The following TNIK variants were observed in gnomAD, a reference collection of about 807,000 sequenced individuals.
TNIK encodes the protein TRAF2 and NCK-interacting protein kinase.
A neutral mutation model predicts 191.3 loss-of-function variants in TNIK; 49 were observed. That is an observed-to-expected ratio of 0.26 (90% CI 0.20 to 0.32). The LOEUF (loss-of-function observed/expected upper bound fraction) is 0.32, where lower values mean the gene tolerates loss of function less well. TNIK is among the 10% of genes least tolerant of loss of function. The pLI is 1.00. For missense variants in TNIK, 1,155 were observed against 1,702.3 expected (o/e 0.68, Z 5.66); for synonymous variants, 594 against 600.9 (o/e 0.99, Z 0.17).
chr3:171,439,334 ACT>A (rs1427925309), intron 1 of TNIK, among the ~76,000 whole-genome samples: 5 of 148,468 alleles, frequency 3.4e-5, no homozygotes, highest in Non-Finnish European at 5.9e-5. Context: ...ACAGAGCAAG[ACT>A]CTGTCTCAAA....
At chr3:171,411,895 G>A (rs944934165) in intron 1 of TNIK, among the ~76,000 whole-genome samples, 2 of 152,172 alleles carry the variant, frequency 1.3e-5, no homozygotes, top group Non-Finnish European at 2.9e-5. Context: ...AGGATGGGGC[G>A]AGAAGTTTTC....
chr3:171,078,312 G>A (rs1720246661), intron 28 of TNIK, among the ~76,000 whole-genome samples: 1 of 151,728 alleles, frequency 6.6e-6, no homozygotes, highest in Non-Finnish European at 1.5e-5. Flanking sequence ...TGAACCACTT[G>A]GACTGATCTT....
intron 2 of TNIK, among the ~76,000 whole-genome samples, chr3:171,290,981 A>C (rs1437810343): frequency 1.3e-5 from 2 of 152,064 alleles, no homozygotes; most frequent in Admixed American, 1.3e-4. Flanking sequence ...ATTTTTTTTT[A>C]GAATTCCATT....
At chr3:171,400,284 G>A (rs1488053558) in intron 1 of TNIK, among the ~76,000 whole-genome samples, 1 of 152,060 alleles carries the variant, frequency 6.6e-6, no homozygotes, top group South Asian at 2.1e-4. Flanking sequence ...CTAGATTCAG[G>A]CCAGGCACGG....
At chr3:171,176,953 T>C (rs1577045085) in intron 8 of TNIK, among the ~76,000 whole-genome samples, 1 of 152,258 alleles carries the variant, frequency 6.6e-6, no homozygotes, top group East Asian at 1.9e-4. Context: ...GTATAACCTG[T>C]GCACTGAAAA....
rs1251207894 is a variant in TNIK, at chr3:171,103,968, TTAAAGTTC to T, written c.2407-2343_2407-2336del. On this transcript the variant is annotated intron_variant, in intron 21 of 32. Transcript: ENST00000436636. ...TCTAAACATTGTATTTAGAAACACT[TTAAAGTTC>T]TGAACTGCTTAATAATTTTGCTTTT... Among the ~76,000 whole-genome samples, 6 of 152,122 alleles carry T rather than the reference TTAAAGTTC, an allele frequency of 3.9e-5. No individual in the cohort carries two copies. In the East Asian group the frequency reaches 9.6e-4, roughly 24 times the overall value.
chr3:171,365,569 T>C (rs1422435815), intron 2 of TNIK, among the ~76,000 whole-genome samples: 1 of 152,152 alleles, frequency 6.6e-6, no homozygotes, highest in Non-Finnish European at 1.5e-5. Context: ...ATGGTAAACA[T>C]TTTAAGAAGG....
At chr3:171,281,456 G>A (rs1195832793) in intron 2 of TNIK, among the ~76,000 whole-genome samples, 3 of 152,160 alleles carry the variant, frequency 2.0e-5, no homozygotes, top group African/African-American at 7.2e-5. Flanking sequence ...GAAATCATGA[G>A]CAAGCTATTT....
At chr3:171,400,893 A>G (rs1212269916) in intron 1 of TNIK, among the ~76,000 whole-genome samples, 1 of 152,220 alleles carries the variant, frequency 6.6e-6, no homozygotes, top group Non-Finnish European at 1.5e-5. Flanking sequence ...TACCAGATTC[A>G]GGGAGGACTG....
chr3:171,323,856 T>C (rs1755449683), intron 2 of TNIK, among the ~76,000 whole-genome samples: 1 of 152,162 alleles, frequency 6.6e-6, no homozygotes, highest in African/African-American at 2.4e-5. Context: ...CTGATTAAGA[T>C]GGTATCTCCT....
chr3:171,365,858 A>C (rs768866994), intron 2 of TNIK, among the ~76,000 whole-genome samples: 2 of 152,238 alleles, frequency 1.3e-5, no homozygotes, highest in Admixed American at 6.5e-5. Flanking sequence ...AGAAATACTG[A>C]GGAATCCTTC....
chr3:171,285,112 G>C (rs1750872059), intron 2 of TNIK, among the ~76,000 whole-genome samples: 1 of 152,182 alleles, frequency 6.6e-6, no homozygotes, highest in Non-Finnish European at 1.5e-5. Flanking sequence ...ATATTAGCAA[G>C]AAATGTGCCT....
chr3:171,412,860 A>G (rs1722580707), intron 1 of TNIK, among the ~76,000 whole-genome samples: 1 of 152,218 alleles, frequency 6.6e-6, no homozygotes, highest in African/African-American at 2.4e-5. Flanking sequence ...GTTTTCAATC[A>G]ATGGTAACTA....
intron 2 of TNIK, among the ~76,000 whole-genome samples, chr3:171,354,751 T>C (rs1032984765): frequency 7.9e-5 from 12 of 152,184 alleles, no homozygotes; most frequent in Non-Finnish European, 8.8e-5. Flanking sequence ...TCAATACCTA[T>C]CTTACTTTTA....
intron 22 of TNIK, among the ~76,000 whole-genome samples, chr3:171,094,711 C>G (rs1722499543): frequency 6.6e-6 from 1 of 152,180 alleles, no homozygotes; most frequent in Admixed American, 6.5e-5. Context: ...GGTTGGTTCC[C>G]TCTCATTCAT....
At chr3:171,459,913 T>TGCCCCCGCCCCCCCCCC in intron 1 of TNIK, 94 bp downstream of exon 1, 1 of 1,311,248 alleles carries the variant, frequency 7.6e-7, no homozygotes. Context: ...CCCGCTGCTG[T>TGCCCCCGCCCCCCCCCC]CCCCCTGCCC....
chr3:171,352,099 A>G (rs960570892), intron 2 of TNIK, among the ~76,000 whole-genome samples: 3 of 152,196 alleles, frequency 2.0e-5, no homozygotes, highest in Admixed American at 6.5e-5. Context: ...TGCATTTCCA[A>G]CAATCTCCCA....
chr3:171,447,124 G>A (rs150854913), intron 1 of TNIK, among the ~76,000 whole-genome samples: 5,287 of 152,248 alleles, frequency 0.035, 325 homozygotes, highest in African/African-American at 0.12. Context: ...CCAGGAGGCA[G>A]AGGTTGCAGT....
intron 1 of TNIK, among the ~76,000 whole-genome samples, chr3:171,416,834 CT>C (rs1410041268): frequency 6.6e-6 from 1 of 152,200 alleles, no homozygotes; most frequent in Non-Finnish European, 1.5e-5. Flanking sequence ...ATTATTCTCT[CT>C]CTTTCTTTCT....
Sources: gnomAD v4.1 joint callset for allele counts (sites outside exome capture counted in the v4.1 genomes callset) on GRCh38, gnomAD v4.1.1 for gene constraint, MANE v1.5 for transcripts, NCBI Gene and HGNC (gene_info 2026-07-23, HGNC 2026-07-21) for gene names.